Variants in PDE3A observed in about 807,000 individuals in gnomAD.
PDE3A encodes phosphodiesterase 3A.
PDE3A carries 43 observed loss-of-function variants against 98.3 expected under a neutral mutation model. The ratio of observed to expected loss-of-function variants is 0.44; its 90% CI spans 0.34 to 0.56. PDE3A has a LOEUF of 0.56. Ranked by LOEUF, PDE3A falls within the 20% of genes least tolerant of loss-of-function variation. The pLI, the probability that PDE3A is intolerant of heterozygous loss-of-function variation, is 0.01. For synonymous variants in PDE3A, 663 were observed against 567.9 expected, an observed-to-expected ratio of 1.17 and a Z score of -2.38; for missense variants, 1,427 against 1,440.7, an observed-to-expected ratio of 0.99 and a Z score of 0.15.
chr12:20,521,175 GT>G (rs1946418511), intron 1 of PDE3A, among the ~76,000 whole-genome samples: 1 of 150,260 alleles, frequency 6.7e-6, no homozygotes, highest in Non-Finnish European at 1.5e-5. Flanking sequence ...TAAGAATCAG[GT>G]TCATGTGGAG....
intron 1 of PDE3A, among the ~76,000 whole-genome samples, chr12:20,496,004 A>G (rs1177533180): frequency 6.6e-6 from 1 of 152,224 alleles, no homozygotes; most frequent in Non-Finnish European, 1.5e-5. Context: ...TTGTCATCAG[A>G]CTATAATAAT....
chr12:20,612,040 T>G (rs1323121693), intron 2 of PDE3A, among the ~76,000 whole-genome samples: 1 of 151,940 alleles, frequency 6.6e-6, no homozygotes, highest in East Asian at 1.9e-4. Flanking sequence ...TTTTGCTGGA[T>G]CATAGAATAT....
At chr12:20,673,051 A>T (rs1945532851) in intron 15 of PDE3A, among the ~76,000 whole-genome samples, 1 of 151,792 alleles carries the variant, frequency 6.6e-6, no homozygotes, top group Admixed American at 6.6e-5. Context: ...ACATGAACAG[A>T]CACTTTTCAA....
chr12:20,611,612 A>G (rs1261359596), intron 2 of PDE3A, among the ~76,000 whole-genome samples: 1 of 151,844 alleles, frequency 6.6e-6, no homozygotes, highest in Non-Finnish European at 1.5e-5. Context: ...CAACTTTACC[A>G]TTATTATTAT....
chr12:20,633,604 T>G (rs552230098), intron 6 of PDE3A, 89 bp from the exon 7 acceptor site: 14 of 581,600 alleles, frequency 2.4e-5, no homozygotes, highest in Admixed American at 3.6e-5. Context: ...TGACTATTGT[T>G]GTTTATCTTA....
intron 14 of PDE3A, among the ~76,000 whole-genome samples, chr12:20,651,862 C>A (rs1232196762): frequency 6.6e-6 from 1 of 152,062 alleles, no homozygotes; most frequent in Non-Finnish European, 1.5e-5. Context: ...TGGTGTGCTG[C>A]GCCCATTAAC....
chr12:20,552,847 C>T lies in PDE3A; in HGVS notation c.961-3813C>T. 1.2e-6 allele frequency: 2 copies of T among 1,613,916 alleles called. No individual in the cohort carries two copies. The highest frequency in any genetic ancestry group is 1.7e-6 in the Non-Finnish European group (2 of 1,179,822). ...GTTCCGGCCCATCACGACCGTGTGCCAGCACAACGTGTGCAAGGACTGCCT... is the reference window on the plus strand; with the variant it reads ...GTTCCGGCCCATCACGACCGTGTGCTAGCACAACGTGTGCAAGGACTGCCT... On this transcript the variant is annotated intron_variant, in intron 1 of 15. Coordinates refer to ENST00000359062, the MANE Select transcript of PDE3A (RefSeq NM_000921.5). The surrounding 1 kb of genome is among the most constrained non-coding windows in gnomAD (Gnocchi z 5.1).
chr12:20,553,995 T>A (rs1166347680), intron 1 of PDE3A, among the ~76,000 whole-genome samples: 1 of 152,056 alleles, frequency 6.6e-6, no homozygotes, highest in Non-Finnish European at 1.5e-5. Context: ...TTTTTTTAAT[T>A]TTTTTTTCTC....
Position 20,684,821 on chromosome 12 carries a change from T to A in PDE3A, c.*4550T>A, listed in dbSNP as rs1055769443. 1.3e-5 allele frequency among the ~76,000 whole-genome samples: 2 copies of A among 152,230 alleles called. No homozygotes were observed. Among genetic ancestry groups the A allele is most frequent in the African/African-American group, 4.8e-5 (2 of 41,464 alleles). On this transcript the variant is annotated 3_prime_UTR_variant, in exon 16 of 16. Coordinates refer to ENST00000359062, the MANE Select transcript of PDE3A (RefSeq NM_000921.5). Reference sequence around the variant, plus strand: ...AAGATATTCAAATTCTTATTGGGAATGAATTACACTACAAACAATGAGTTG... The same window carrying A: ...AAGATATTCAAATTCTTATTGGGAAAGAATTACACTACAAACAATGAGTTG...
At chr12:20,567,137 G>T (rs1483347582) in intron 2 of PDE3A, among the ~76,000 whole-genome samples, 1 of 151,902 alleles carries the variant, frequency 6.6e-6, no homozygotes, top group Non-Finnish European at 1.5e-5. Context: ...TTGTTTTATA[G>T]TGATTATGGC....
intron 1 of PDE3A, among the ~76,000 whole-genome samples, chr12:20,399,535 T>C (rs1414186626): frequency 4.6e-5 from 7 of 152,164 alleles, no homozygotes; most frequent in Admixed American, 4.6e-4. Flanking sequence ...CATTTAAAAC[T>C]GAAATTTTAT....
chr12:20,567,317 T>G (rs1170583158), intron 2 of PDE3A, among the ~76,000 whole-genome samples: 1 of 152,062 alleles, frequency 6.6e-6, no homozygotes, highest in Non-Finnish European at 1.5e-5. Flanking sequence ...GAGGAATTAG[T>G]GAAATTATAT....
chr12:20,370,269 G>C (rs995619967), intron 1 of PDE3A, 25 bp downstream of exon 1: 5 of 1,493,482 alleles, frequency 3.3e-6, no homozygotes, highest in Non-Finnish European at 4.4e-6. Context: ...CTCCTCTCTC[G>C]GCTCTTGGAA....
At chr12:20,609,047 AC>A (rs1943782055) in intron 2 of PDE3A, among the ~76,000 whole-genome samples, 1 of 152,070 alleles carries the variant, frequency 6.6e-6, no homozygotes, top group Admixed American at 6.5e-5. Context: ...TTAGAGATGC[AC>A]TTTAAAATAC....
chr12:20,390,351 A>T (rs1943889720), intron 1 of PDE3A, among the ~76,000 whole-genome samples: 1 of 151,618 alleles, frequency 6.6e-6, no homozygotes, highest in African/African-American at 2.4e-5. Flanking sequence ...TTAGGTGGGG[A>T]CCCAAATGGA....
At chr12:20,610,531 A>G (rs1169626942) in intron 2 of PDE3A, among the ~76,000 whole-genome samples, 1 of 151,962 alleles carries the variant, frequency 6.6e-6, no homozygotes, top group Non-Finnish European at 1.5e-5. Context: ...GATCCAAATA[A>G]GATAAAATCA....
intron 2 of PDE3A, among the ~76,000 whole-genome samples, chr12:20,563,596 C>T (rs1236701544): frequency 2.0e-5 from 3 of 152,150 alleles, no homozygotes; most frequent in Non-Finnish European, 2.9e-5. Context: ...TATCAATATT[C>T]GTTCAGAAAT....
intron 10 of PDE3A, among the ~76,000 whole-genome samples, chr12:20,644,252 T>C (rs1256265047): frequency 6.6e-6 from 1 of 152,194 alleles, no homozygotes; most frequent in Non-Finnish European, 1.5e-5. Flanking sequence ...AAATCCAGCA[T>C]TGATTCTGGG....
rs567843370 is a variant in PDE3A, at chr12:20,650,507, G to A, written c.2832G>A (p.Met944Ile). The change falls in exon 14 of 16, where the codon ATG becomes ATA. Residue 944 changes from methionine to isoleucine, a missense_variant. Physicochemically the swap from Met to Ile is conservative, Grantham distance 10. Coordinates refer to ENST00000359062, the MANE Select transcript of PDE3A (RefSeq NM_000921.5). Reference sequence around the variant, plus strand: ...ATGATCGTCTACTGGTTTGTCAAATGTGTATAAAGTTGGCTGATATCAATG... The same window carrying A: ...ATGATCGTCTACTGGTTTGTCAAATATGTATAAAGTTGGCTGATATCAATG... ...NENDRLLVCQMCIKLADINGP... is the reference protein window; with the variant it reads ...NENDRLLVCQICIKLADINGP... The A allele has an allele frequency of 1.9e-6, 3 of 1,610,494 alleles. No individual in the cohort carries two copies. Among genetic ancestry groups the A allele is most frequent in the South Asian group, 1.1e-5 (1 of 90,974 alleles).
Sources: gnomAD v4.1 joint callset for allele counts (sites outside exome capture counted in the v4.1 genomes callset) on GRCh38, gnomAD v4.1.1 for gene constraint, Gnocchi (gnomAD v3.1) non-coding constraint, MANE v1.5 for transcripts, NCBI Gene and HGNC (gene_info 2026-07-23, HGNC 2026-07-21) for gene names.